RGS6: variants seen among roughly 807,000 people sequenced by gnomAD.
The protein encoded by RGS6 is regulator of G protein signaling 6, also known as regulator of G-protein signaling 6.
A neutral mutation model predicts 78.5 loss-of-function variants in RGS6; 30 were observed. The observed-to-expected ratio is 0.38, with a 90% CI of 0.29 to 0.52. The LOEUF (loss-of-function observed/expected upper bound fraction) is 0.52. RGS6 is among the 20% of genes least tolerant of loss of function. RGS6 has a pLI of 0.85. For synonymous variants in RGS6, 206 were observed against 206.0 expected (o/e 1.00, Z 0.00); for missense variants, 495 against 609.7 (o/e 0.81, Z 1.98).
At chr14:72,622,330 A>G in the RGS6 span, among the ~76,000 whole-genome samples, 2 of 152,210 alleles carry the variant, frequency 1.3e-5, no homozygotes, top group African/African-American at 2.4e-5. Context: ...AGGAACAGTC[A>G]GAGAGGTGGG....
At chr14:72,402,133 C>A (rs1018200403) in intron 3 of RGS6, among the ~76,000 whole-genome samples, 1 of 152,118 alleles carries the variant, frequency 6.6e-6, no homozygotes, top group East Asian at 1.9e-4. Context: ...CCTGGTGCTG[C>A]CTCCCCTTGG....
At position 72,204,984 on chromosome 14, in the gene RGS6, G is replaced by A. The variant is rs1455225953; in HGVS notation, c.85-147111G>A. Among the ~76,000 whole-genome samples, 4 of 152,206 alleles carry A rather than the reference G, an allele frequency of 2.6e-5. No individual in the cohort carries two copies. In the East Asian group the frequency reaches 7.7e-4, roughly 29 times the overall value. On this transcript the variant is annotated intron_variant, in intron 2 of 17. Coordinates refer to ENST00000553525, the MANE Select transcript of RGS6 (RefSeq NM_001204424.2). The stretch of plus-strand genomic sequence containing the variant: ...CAGGGTTTTCCTGCACGGCTTCTCA[G>A]ATCTTCATGGTGCTTCAGCAGAGAT...
rs551820437 is a variant in RGS6, at chr14:72,539,681, C to T, written c.1369-360C>T. On this transcript the variant is annotated intron_variant, in intron 16 of 17. Coordinates refer to ENST00000553525, the MANE Select transcript of RGS6 (RefSeq NM_001204424.2). ...CCACCAGGGCTCCTGCCTGTGGGCA[C>T]GGCAGGTTGAAAGCAGCAAGCAAGC... Among the ~76,000 whole-genome samples the T allele has an allele frequency of 1.4e-4, 22 of 152,326 alleles. No individual in the cohort carries two copies. In the East Asian group the frequency reaches 3.3e-3, roughly 23 times the overall value.
chr14:72,423,515 T>C (rs2094298586), intron 3 of RGS6, among the ~76,000 whole-genome samples: 1 of 152,232 alleles, frequency 6.6e-6, no homozygotes, highest in African/African-American at 2.4e-5. Flanking sequence ...GTCGTATTCT[T>C]CACAGCAACA....
chr14:72,615,005 G>A, the RGS6 span, among the ~76,000 whole-genome samples: 1 of 150,460 alleles, frequency 6.6e-6, no homozygotes, highest in South Asian at 2.2e-4. Flanking sequence ...CTGCTACCAG[G>A]AGCCAGGCCT....
chr14:72,266,023 C>G (rs1196188115), intron 2 of RGS6, among the ~76,000 whole-genome samples: 2 of 152,090 alleles, frequency 1.3e-5, no homozygotes, highest in African/African-American at 4.8e-5. Flanking sequence ...GCAAACTATC[C>G]CCAAATCTAA....
the RGS6 span, among the ~76,000 whole-genome samples, chr14:71,894,413 C>A: frequency 6.6e-6 from 1 of 152,148 alleles, no homozygotes; most frequent in African/African-American, 2.4e-5. Context: ...TTATCACAAA[C>A]CCTTGTAGCA....
chr14:72,146,900 C>T (rs2096613931), intron 2 of RGS6, among the ~76,000 whole-genome samples: 1 of 152,196 alleles, frequency 6.6e-6, no homozygotes, highest in South Asian at 2.1e-4. Flanking sequence ...GCTACTTAGC[C>T]TAGTTCATCA....
chr14:71,948,412 T>C (rs2091849094), intron 1 of RGS6, among the ~76,000 whole-genome samples: 10 of 152,194 alleles, frequency 6.6e-5, no homozygotes, highest in Admixed American at 6.5e-4. Flanking sequence ...CCTGCCATGA[T>C]GTCATTTTTT....
chr14:72,598,880 C>G, the RGS6 span, among the ~76,000 whole-genome samples: 723 of 152,344 alleles, frequency 4.7e-3, 9 homozygotes, highest in African/African-American at 0.017. Context: ...TGAGCCCATT[C>G]TGGGGAGAAG....
chr14:71,970,843 A>G (rs890646655), intron 2 of RGS6, among the ~76,000 whole-genome samples: 3 of 152,148 alleles, frequency 2.0e-5, no homozygotes, highest in African/African-American at 7.2e-5. Flanking sequence ...TAGAGGGGTC[A>G]TGTAGTCCAT....
intron 2 of RGS6, among the ~76,000 whole-genome samples, chr14:72,089,013 C>T (rs1448571063): frequency 6.6e-6 from 1 of 152,260 alleles, no homozygotes; most frequent in Non-Finnish European, 1.5e-5. Flanking sequence ...CCTCGAAGGA[C>T]ACTGTCTCAT....
intron 7 of RGS6, among the ~76,000 whole-genome samples, chr14:72,467,071 C>T (rs2095936481): frequency 6.6e-6 from 1 of 152,140 alleles, no homozygotes; most frequent in South Asian, 2.1e-4. Context: ...AAACTTGGGT[C>T]CATTCCCATT....
At chr14:71,981,272 A>T (rs1324469474) in intron 2 of RGS6, among the ~76,000 whole-genome samples, 1 of 152,122 alleles carries the variant, frequency 6.6e-6, no homozygotes, top group Non-Finnish European at 1.5e-5. Flanking sequence ...CATCAAAGTC[A>T]TTCTCCGTCC....
intron 2 of RGS6, among the ~76,000 whole-genome samples, chr14:72,206,419 A>T (rs117686725): frequency 0.011 from 1,643 of 152,308 alleles, 10 homozygotes; most frequent in Non-Finnish European, 0.018. Flanking sequence ...ATAGGAAAAG[A>T]TATATACATA....
At chr14:72,169,829 A>G (rs2096985676) in intron 2 of RGS6, among the ~76,000 whole-genome samples, 1 of 152,192 alleles carries the variant, frequency 6.6e-6, no homozygotes, top group African/African-American at 2.4e-5. Flanking sequence ...CATGGGCACC[A>G]CCTGAGAACT....
At chr14:72,244,825 G>C (rs964757764) in intron 2 of RGS6, among the ~76,000 whole-genome samples, 3 of 41,816 alleles carry the variant, frequency 7.2e-5, no homozygotes, top group African/African-American at 2.4e-4. Flanking sequence ...ACTAAAAATT[G>C]GTCTTTTTTT....
At chr14:71,904,139 C>T in the RGS6 span, among the ~76,000 whole-genome samples, 1 of 152,152 alleles carries the variant, frequency 6.6e-6, no homozygotes, top group East Asian at 1.9e-4. Flanking sequence ...TGCTATCCAG[C>T]GTCTATTTCC....
chr14:72,524,094 G>A (rs1038801876), intron 15 of RGS6, among the ~76,000 whole-genome samples: 1 of 152,192 alleles, frequency 6.6e-6, no homozygotes, highest in African/African-American at 2.4e-5. Flanking sequence ...ATTTGTAAGT[G>A]TGAACTCACA....
Sources: gnomAD v4.1 joint callset for allele counts (sites outside exome capture counted in the v4.1 genomes callset) on GRCh38, gnomAD v4.1.1 for gene constraint, MANE v1.5 for transcripts, NCBI Gene and HGNC (gene_info 2026-07-23, HGNC 2026-07-21) for gene names.